MAP3K11: variants seen among roughly 807,000 people sequenced by gnomAD.
The protein encoded by MAP3K11 is SH3 domain-containing proline-rich kinase.
Under a neutral mutation model 84.9 loss-of-function variants are expected in MAP3K11, and 46 were observed. The ratio of observed to expected loss-of-function variants is 0.54; its 90% CI spans 0.43 to 0.69. The LOEUF is 0.69. MAP3K11 is among the 30% of genes least tolerant of loss of function. The pLI is 0.00. For missense variants in MAP3K11, 1,053 were observed against 1,198.3 expected, an observed-to-expected ratio of 0.88 and a Z score of 1.79; for synonymous variants, 527 against 514.7, an observed-to-expected ratio of 1.02 and a Z score of -0.32.
At chr11:65,603,316 T>G (rs1221192541) in intron 8 of MAP3K11, among the ~76,000 whole-genome samples, 2 of 152,250 alleles carry the variant, frequency 1.3e-5, no homozygotes, top group African/African-American at 4.8e-5. Context: ...AGGAGAAAGC[T>G]GCGTGACTAT....
At position 65,598,641 on chromosome 11, in the gene MAP3K11, A is replaced by G; in HGVS notation, c.2207-13T>C. Reference sequence around the variant, plus strand: ...GAGACAGTGCCTCCTGTGAGGATATAGGAGGGGCACAGGGTCAAGCAACCC... The same window carrying G: ...GAGACAGTGCCTCCTGTGAGGATATGGGAGGGGCACAGGGTCAAGCAACCC... On this transcript the variant is annotated splice_polypyrimidine_tract_variant and intron_variant, in intron 9 of 9. Coordinates refer to ENST00000309100, the MANE Select transcript of MAP3K11 (RefSeq NM_002419.4). The G allele has an allele frequency of 6.8e-7, 1 of 1,477,586 alleles. No individual in the cohort carries two copies. The highest frequency in any genetic ancestry group is 9.0e-7 in the Non-Finnish European group (1 of 1,106,348). 91.5% of individuals were successfully genotyped at this position (1,477,586 alleles called of 1,614,324 possible). A position where few individuals can be genotyped will look rare whatever the true frequency, so the allele number is the denominator to read the frequency against.
intron 1 of MAP3K11, 127 bp downstream of exon 1, chr11:65,612,891 G>T: frequency 8.8e-7 from 1 of 1,140,422 alleles, no homozygotes; most frequent in Non-Finnish European, 1.2e-6. Flanking sequence ...GGGCACCCCT[G>T]GTCAGCTGGG....
chr11:65,603,781 C>T (rs931128579), intron 8 of MAP3K11, among the ~76,000 whole-genome samples: 3 of 152,262 alleles, frequency 2.0e-5, no homozygotes, highest in African/African-American at 7.2e-5. Flanking sequence ...ATTTCTTCAT[C>T]AGCCAGGAAG....
In MAP3K11 at chr11:65,599,540, G is replaced by A. The variant is rs113014372; in HGVS notation, c.2060C>T (p.Pro687Leu). ...TPPTPTPAPC[P>L]TEPPPSPLIC... ...GAGCGGGGAAGGGGGCGGCTCGGTC[G>A]GGCAGGGCGCGGGCGTTGGCGTGGG... Residue 687 changes from proline to leucine, a missense_variant, in exon 9 of 10, where the codon CCG (proline) becomes CTG (leucine). Pro to Leu is a moderately conservative substitution (Grantham distance 98, BLOSUM62 -3). This residue lies in a region of MAP3K11 where 583 missense variants were observed against 566.6 expected (regional missense o/e 1.03). Coordinates refer to ENST00000309100, the MANE Select transcript of MAP3K11 (RefSeq NM_002419.4). The A allele has an allele frequency of 3.9e-5, 58 of 1,488,212 alleles. 1 individual carries two copies. Among genetic ancestry groups the A allele is most frequent in the African/African-American group, 3.0e-4 (20 of 67,552 alleles). The allele number at this position is 1,488,212 out of a possible 1,614,324, so 92.2% of individuals were successfully genotyped here. A position where few individuals can be genotyped will look rare whatever the true frequency, so the allele number is the denominator to read the frequency against.
In MAP3K11 at chr11:65,599,672, C is replaced by T. The variant is rs778215901; in HGVS notation, c.1928G>A (p.Arg643Gln). 19 of 1,554,684 alleles carry T rather than the reference C, an allele frequency of 1.2e-5. No homozygotes were observed. The highest frequency in any genetic ancestry group is 3.8e-5 in the Admixed American group (2 of 52,364). ...SSSGTPKLIQ[R>Q]ALLRGTALLA... ...CAGGGCGGTGCCGCGCAGCAGCGCC[C>T]GCTGGATCAGCTTGGGCGTCCCAGA... The change falls in exon 9 of 10, where the codon CGG becomes CAG. Residue 643 changes from arginine to glutamine, a missense_variant. Physicochemically the swap from Arg to Gln is conservative, Grantham distance 43 (BLOSUM62 1). Coordinates refer to ENST00000309100, the MANE Select transcript of MAP3K11 (RefSeq NM_002419.4).
intron 8 of MAP3K11, among the ~76,000 whole-genome samples, chr11:65,603,453 G>A (rs1453629944): frequency 6.6e-6 from 1 of 152,268 alleles, no homozygotes; most frequent in Non-Finnish European, 1.5e-5. Flanking sequence ...CAGCGTAGCT[G>A]AGTGCACCCT....
rs111335742 is a variant in MAP3K11, at chr11:65,601,360, C to T, written c.1832-1592G>A. 5.7e-3 allele frequency among the ~76,000 whole-genome samples: 875 copies of T among 152,310 alleles called. 10 individuals carry two copies. The highest frequency in any genetic ancestry group is 0.02 in the African/African-American group (840 of 41,566). Reference sequence around the variant, plus strand: ...CCTGAACCTACACAGTTATTGCTCACGTTATGCCTCATAGAGGTGCTACTG... The same window carrying T: ...CCTGAACCTACACAGTTATTGCTCATGTTATGCCTCATAGAGGTGCTACTG... On this transcript the variant is annotated intron_variant, in intron 8 of 9. Coordinates refer to ENST00000309100, the MANE Select transcript of MAP3K11 (RefSeq NM_002419.4).
At chr11:65,606,522 A>G (rs1854509794) in intron 6 of MAP3K11, 169 bp downstream of exon 6, 1 of 482,100 alleles carries the variant, frequency 2.1e-6, no homozygotes, top group South Asian at 4.4e-5. Flanking sequence ...AAATAAGTAA[A>G]ATTAATGCTG....
chr11:65,598,359 G>A lies in MAP3K11; in HGVS notation c.2476C>T (p.Gln826Ter), dbSNP rs1483834657. 1 of 1,537,004 alleles carries A rather than the reference G, an allele frequency of 6.5e-7. No homozygotes were observed. Among genetic ancestry groups the A allele is most frequent in the African/African-American group, 1.4e-5 (1 of 72,784 alleles). ...TCTTTGGTCTGTGCCCTGCAGTCCT[G>A]GGGGCCCCCCTGGAAGGGGTTGGCA... ...PPANPFQGGP[Q>*]DCRAQTKDMG... is the part of the protein sequence containing the mutation. The change falls in exon 10 of 10, where the codon CAG becomes TAG. Residue 826 changes from glutamine to a stop codon, truncating the protein, a stop_gained. Transcript: ENST00000309100. LOFTEE classifies it high-confidence loss of function.
In MAP3K11 at chr11:65,606,026, C is replaced by T; in HGVS notation, c.1659G>A (p.Glu553=). The change falls in exon 7 of 10, where the codon GAG becomes GAA. Residue 553 remains glutamate (E), a synonymous_variant. Coordinates refer to ENST00000309100, the MANE Select transcript of MAP3K11 (RefSeq NM_002419.4). The part of the protein sequence containing the change: ...AWGRQSPRRL[E]DSSNGERRAC... ...CTCGCCGCTCTCCATTGCTTGAGTC[C>T]TCCAGACGTCGGGGGGACTGGCGGC... 1 of 1,597,506 alleles carries T rather than the reference C, an allele frequency of 6.3e-7. No homozygotes were observed. The highest frequency in any genetic ancestry group is 1.1e-5 in the South Asian group (1 of 89,698).
At position 65,613,799 on chromosome 11, in the gene MAP3K11, G is replaced by C; in HGVS notation, c.-43C>G. ...GGGATGTGTGGAGGACCTTCTCTGGGTGCCCGTGGTCCCCACCCCCGCTGG... is the reference window on the plus strand; with the variant it reads ...GGGATGTGTGGAGGACCTTCTCTGGCTGCCCGTGGTCCCCACCCCCGCTGG... On this transcript the variant is annotated 5_prime_UTR_variant, in exon 1 of 10. Coordinates refer to ENST00000309100, the MANE Select transcript of MAP3K11 (RefSeq NM_002419.4). 1 of 1,483,284 alleles carries C rather than the reference G, an allele frequency of 6.7e-7. No individual in the cohort carries two copies. The highest frequency in any genetic ancestry group is 1.4e-5 in the African/African-American group (1 of 71,668). The allele number at this position is 1,483,284 out of a possible 1,614,324, so 91.9% of individuals were successfully genotyped here.
intron 8 of MAP3K11, among the ~76,000 whole-genome samples, chr11:65,602,362 T>G (rs920051227): frequency 6.6e-6 from 1 of 151,778 alleles, no homozygotes; most frequent in Non-Finnish European, 1.5e-5. Flanking sequence ...ATACAAAAAT[T>G]AGGCCGGGCA....
chr11:65,605,925 G>T lies in MAP3K11; in HGVS notation c.1739+21C>A, dbSNP rs377483098. On this transcript the variant is annotated intron_variant, in intron 7 of 9. Transcript: ENST00000309100. ...GGGGAAAGCAAATGATGCTGGGTCT[G>T]GGGGGCACTCAGGTACTCACCTCCC... 3.1e-6 allele frequency: 5 copies of T among 1,607,302 alleles called. No individual in the cohort carries two copies. The East Asian group carries it at 9.0e-5, about 29-fold the overall frequency.
In MAP3K11 at chr11:65,607,521, C is replaced by A; in HGVS notation, c.1246-8G>T. 1 of 1,559,054 alleles carries A rather than the reference C, an allele frequency of 6.4e-7. No homozygotes were observed. The highest frequency in any genetic ancestry group is 1.2e-5 in the South Asian group (1 of 84,796). ...CTCGCGGCTCAGTAGTTCCTGCGCC[C>A]GAGACAGCGATGGTGGAGAGGTCAG... is the stretch of plus-strand genomic sequence containing the variant. On this transcript the variant is annotated splice_polypyrimidine_tract_variant and splice_region_variant and intron_variant, in intron 4 of 9. Coordinates refer to ENST00000309100, the MANE Select transcript of MAP3K11 (RefSeq NM_002419.4).
At chr11:65,612,264 G>C (rs1171811724) in intron 1 of MAP3K11, 1 of 152,376 alleles carries the variant, frequency 6.6e-6, no homozygotes, top group Non-Finnish European at 1.5e-5. Context: ...CTTGGGCCAT[G>C]ATGGGCAGCG....
intron 8 of MAP3K11, among the ~76,000 whole-genome samples, chr11:65,600,833 C>T (rs1038685632): frequency 6.6e-6 from 1 of 152,110 alleles, no homozygotes; most frequent in African/African-American, 2.4e-5. Flanking sequence ...AGTGCAGCAG[C>T]AGGTTGGATG....
chr11:65,601,150 G>A (rs1001586708), intron 8 of MAP3K11, among the ~76,000 whole-genome samples: 1 of 152,134 alleles, frequency 6.6e-6, no homozygotes, highest in African/African-American at 2.4e-5. Context: ...AGACTCCTCG[G>A]CTCTCAACTC....
intron 8 of MAP3K11, among the ~76,000 whole-genome samples, chr11:65,604,231 G>A (rs946918690): frequency 1.3e-5 from 2 of 152,242 alleles, no homozygotes; most frequent in Non-Finnish European, 2.9e-5. Flanking sequence ...GCTTGAGAAC[G>A]ATGGGGCCCA....
intron 8 of MAP3K11, among the ~76,000 whole-genome samples, chr11:65,602,125 C>T (rs1317041599): frequency 6.7e-6 from 1 of 149,156 alleles, no homozygotes; most frequent in South Asian, 2.1e-4. Flanking sequence ...ATCGCTTGAA[C>T]CCAGGAGGCG....
Sources: gnomAD v4.1 joint callset for allele counts (sites outside exome capture counted in the v4.1 genomes callset) on GRCh38, gnomAD v4.1.1 for gene constraint, gnomAD v4.1.1 regional missense constraint, MANE v1.5 for transcripts, NCBI Gene and HGNC (gene_info 2026-07-23, HGNC 2026-07-21) for gene names.